Variants in LRRC4C observed in about 807,000 individuals in gnomAD.
LRRC4C encodes the protein leucine rich repeat containing 4C.
LRRC4C carries 5 observed loss-of-function variants against 33.6 expected under a neutral mutation model. The ratio of observed to expected loss-of-function variants is 0.15; its 90% CI spans 0.08 to 0.31. LRRC4C has a LOEUF of 0.31. Among genes scored for constraint, LRRC4C ranks in the 10% least tolerant of loss-of-function variants. The pLI is 1.00. For missense variants in LRRC4C, 560 were observed against 796.7 expected, an observed-to-expected ratio of 0.70 and a Z score of 3.58; for synonymous variants, 329 against 302.0, an observed-to-expected ratio of 1.09 and a Z score of -0.93.
intron 1 of LRRC4C, among the ~76,000 whole-genome samples, chr11:41,088,989 A>G (rs775414353): frequency 6.6e-6 from 1 of 152,072 alleles, no homozygotes; most frequent in Non-Finnish European, 1.5e-5. Context: ...CTACTTACCA[A>G]AACAGTCTAA....
chr11:41,167,765 C>A (rs886983159), intron 1 of LRRC4C, among the ~76,000 whole-genome samples: 2 of 152,126 alleles, frequency 1.3e-5, no homozygotes, highest in South Asian at 2.1e-4. Context: ...AAATCATGAG[C>A]CTCACACTCC....
At chr11:40,484,442 G>A (rs576876588) in intron 3 of LRRC4C, among the ~76,000 whole-genome samples, 14 of 152,104 alleles carry the variant, frequency 9.2e-5, no homozygotes, top group African/African-American at 2.9e-4. Flanking sequence ...GAAAAAAAAG[G>A]TACTGTGAAT....
intron 3 of LRRC4C, among the ~76,000 whole-genome samples, chr11:40,555,403 T>G (rs898791676): frequency 6.6e-6 from 1 of 152,188 alleles, no homozygotes; most frequent in Non-Finnish European, 1.5e-5. Context: ...TTTATGCCAA[T>G]TCAAACAGAT....
chr11:40,227,295 T>A (rs142978336), intron 5 of LRRC4C, among the ~76,000 whole-genome samples: 36 of 152,336 alleles, frequency 2.4e-4, no homozygotes, highest in African/African-American at 8.4e-4. Flanking sequence ...AGGTAAAACA[T>A]CCTATATTTA....
intron 2 of LRRC4C, among the ~76,000 whole-genome samples, chr11:40,755,562 C>A (rs1948909088): frequency 6.6e-6 from 1 of 151,978 alleles, no homozygotes; most frequent in Non-Finnish European, 1.5e-5. Flanking sequence ...ATTTTGCATC[C>A]CACCAGACAT....
chr11:41,338,490 C>G (rs1951527294), intron 1 of LRRC4C, among the ~76,000 whole-genome samples: 2 of 152,104 alleles, frequency 1.3e-5, no homozygotes, highest in South Asian at 4.2e-4. Flanking sequence ...GGGAGCTGAA[C>G]AGTGAGAACA....
chr11:40,134,036 T>C (rs1856816113), intron 6 of LRRC4C, among the ~76,000 whole-genome samples: 2 of 152,062 alleles, frequency 1.3e-5, no homozygotes, highest in African/African-American at 4.8e-5. Context: ...CTCTATTCTT[T>C]AGAATGAGGT....
intron 1 of LRRC4C, among the ~76,000 whole-genome samples, chr11:41,410,255 G>A (rs1241170803): frequency 6.6e-6 from 1 of 152,174 alleles, no homozygotes; most frequent in African/African-American, 2.4e-5. Context: ...TCACAGGGTA[G>A]ATAACTTCAT....
At position 41,159,291 on chromosome 11, in the gene LRRC4C, T is replaced by TA. The variant is rs796767209; in HGVS notation, c.-495-225569dup. On this transcript the variant is annotated intron_variant, in intron 1 of 6. Transcript: ENST00000528697. ...GGGCAACAGAGAAAGACCCTGTCTCTAAAAAAAATAAATACATAAAAATAA... is the reference window on the plus strand; with the variant it reads ...GGGCAACAGAGAAAGACCCTGTCTCTAAAAAAAAATAAATACATAAAAATAA... 1.8e-4 allele frequency among the ~76,000 whole-genome samples: 28 copies of TA among 151,656 alleles called. No individual in the cohort carries two copies. The South Asian group carries it at 4.4e-3, about 24-fold the overall frequency.
chr11:40,202,857 C>T (rs1862866659), intron 5 of LRRC4C, among the ~76,000 whole-genome samples: 1 of 152,220 alleles, frequency 6.6e-6, no homozygotes, highest in Admixed American at 6.5e-5. Flanking sequence ...CCTGACCTAA[C>T]ATCCTGCAGA....
intron 5 of LRRC4C, among the ~76,000 whole-genome samples, chr11:40,182,683 C>A (rs909304799): frequency 9.2e-5 from 14 of 152,064 alleles, no homozygotes; most frequent in Admixed American, 5.9e-4. Flanking sequence ...ACACAAAAAC[C>A]TACAAATACA....
intron 5 of LRRC4C, among the ~76,000 whole-genome samples, chr11:40,167,715 GA>G (rs1859711771): frequency 1.3e-5 from 2 of 152,038 alleles, no homozygotes; most frequent in African/African-American, 4.8e-5. Flanking sequence ...AGGCAGGGTA[GA>G]AAAAGGAAGT....
chr11:41,258,851 T>G (rs1948885983), intron 1 of LRRC4C, among the ~76,000 whole-genome samples: 2 of 152,076 alleles, frequency 1.3e-5, no homozygotes, highest in South Asian at 2.1e-4. Flanking sequence ...CCTTTGGCTC[T>G]CAGAGCTGAG....
intron 2 of LRRC4C, among the ~76,000 whole-genome samples, chr11:40,748,520 G>T (rs1165218512): frequency 1.3e-5 from 2 of 151,816 alleles, no homozygotes; most frequent in East Asian, 3.9e-4. Context: ...GACTCAAATG[G>T]TACTACTTCA....
intron 3 of LRRC4C, among the ~76,000 whole-genome samples, chr11:40,515,540 G>C (rs574188454): frequency 6.6e-6 from 1 of 152,108 alleles, no homozygotes; most frequent in South Asian, 2.1e-4. Context: ...GGAGCAAGTT[G>C]ATGTGATTGA....
chr11:40,253,644 T>C (rs1406083790), intron 4 of LRRC4C, among the ~76,000 whole-genome samples: 1 of 152,168 alleles, frequency 6.6e-6, no homozygotes, highest in East Asian at 1.9e-4. Flanking sequence ...GTGATGGAAA[T>C]ACACGATTTA....
At chr11:40,337,377 G>A (rs923317358) in intron 3 of LRRC4C, among the ~76,000 whole-genome samples, 1 of 152,152 alleles carries the variant, frequency 6.6e-6, no homozygotes, top group African/African-American at 2.4e-5. Flanking sequence ...CCTGCGCAGA[G>A]GGTGAGTCAG....
chr11:40,549,898 A>G (rs1461095402), intron 3 of LRRC4C, among the ~76,000 whole-genome samples: 1 of 152,168 alleles, frequency 6.6e-6, no homozygotes, highest in East Asian at 1.9e-4. Context: ...ATATTGTAGC[A>G]AATCATATCA....
intron 1 of LRRC4C, among the ~76,000 whole-genome samples, chr11:41,351,318 A>G (rs1565604449): frequency 6.6e-6 from 1 of 152,190 alleles, no homozygotes; most frequent in Non-Finnish European, 1.5e-5. Context: ...AAATGGGGAA[A>G]AAAGCCTCTG....
Sources: allele counts gnomAD v4.1 joint callset (sites outside exome capture counted in the v4.1 genomes callset), GRCh38; gene constraint gnomAD v4.1.1; transcripts MANE v1.5; gene names NCBI Gene and HGNC (gene_info 2026-07-23, HGNC 2026-07-21).